Variants in LMAN1L observed in about 807,000 individuals in gnomAD.
The protein encoded by LMAN1L is lectin, mannose binding 1 like.
Under a neutral mutation model 58.3 loss-of-function variants are expected in LMAN1L, and 60 were observed. That is an observed-to-expected ratio of 1.03 (90% CI 0.84 to 1.27). The LOEUF is 1.27. Ranked by LOEUF, LMAN1L falls within the 50% of genes most tolerant of loss-of-function variation. The pLI is 0.00. For missense variants in LMAN1L, 629 were observed against 674.0 expected (o/e 0.93, Z 0.74); for synonymous variants, 280 against 271.6 (o/e 1.03, Z -0.31).
At chr15:74,819,619 C>A in intron 6 of LMAN1L, 1 of 482,262 alleles carries the variant, frequency 2.1e-6, no homozygotes, top group Non-Finnish European at 3.7e-6. Context: ...TGAGGGCAAC[C>A]AGAGCGTGGG....
At position 74,816,297 on chromosome 15, in the gene LMAN1L, G is replaced by T; in HGVS notation, c.316G>T (p.Gly106Ter). The change falls in exon 2 of 14, where the codon GGA (glycine) becomes TGA (stop). Residue 106 changes from glycine (G) to a stop codon, truncating the protein, a stop_gained. Coordinates refer to ENST00000309664, the MANE Select transcript of LMAN1L (RefSeq NM_021819.3). LOFTEE classifies it high-confidence loss of function. ...GAGGGTGACGGGACTGGGGCGCCGG[G>T]GAGCCCAGGGCATGGTGAGTGTCCT... ...QMRVTGLGRR[G>*]AQGMAVWYTR... 6.2e-7 allele frequency: 1 copy of T among 1,612,354 alleles called. No individual in the cohort carries two copies.
chr15:74,823,937 C>A (rs990692863), intron 12 of LMAN1L: 22 of 542,454 alleles, frequency 4.1e-5, no homozygotes, highest in Non-Finnish European at 6.6e-5. Flanking sequence ...GCCCTGGACA[C>A]CCCTCGATCC....
intron 6 of LMAN1L, 101 bp downstream of exon 6, chr15:74,819,373 C>G (rs946447437): frequency 2.1e-4 from 295 of 1,435,292 alleles, no homozygotes; most frequent in Non-Finnish European, 1.7e-4. Context: ...AGCCACTTCA[C>G]CACATGACCT....
intron 1 of LMAN1L, among the ~76,000 whole-genome samples, chr15:74,815,313 C>T (rs1283945149): frequency 1.3e-5 from 2 of 152,218 alleles, no homozygotes; most frequent in Non-Finnish European, 2.9e-5. Context: ...GCCTCCAGAA[C>T]GTCCTGGCAG....
intron 6 of LMAN1L, 77 bp downstream of exon 6, chr15:74,819,349 A>C (rs776461177): frequency 6.5e-7 from 1 of 1,538,558 alleles, no homozygotes; most frequent in Admixed American, 2.0e-5. Flanking sequence ...TCTAAAGAGC[A>C]CTGGGGTGGC....
At position 74,825,672 on chromosome 15, in the gene LMAN1L, A is replaced by G. The variant is rs1429904266; in HGVS notation, c.*67A>G. On this transcript the variant is annotated 3_prime_UTR_variant, in exon 14 of 14. Coordinates refer to ENST00000309664, the MANE Select transcript of LMAN1L (RefSeq NM_021819.3). ...TGTCTTGGGTGGGGGCTTGGTCAGT[A>G]TCCTCTCCGTCTGGGTGCCCAGCTC... is the stretch of plus-strand genomic sequence containing the variant. 5.2e-6 allele frequency: 8 copies of G among 1,536,858 alleles called. No homozygotes were observed. The South Asian group carries it at 9.1e-5, about 18-fold the overall frequency.
rs1046025449 is a variant in LMAN1L at position 74,818,938 on chromosome 15, C to A, written c.597+121C>A. ...CGTGAGGTCCCTGGCACACACGGGC[C>A]AACATCCACAGGGGATCCTCCATCC... On this transcript the variant is annotated intron_variant, in intron 5 of 13. Coordinates refer to ENST00000309664, the MANE Select transcript of LMAN1L (RefSeq NM_021819.3). The A allele has an allele frequency of 3.6e-5, 37 of 1,016,522 alleles. No homozygotes were observed. The African/African-American group carries it at 4.2e-4, about 12-fold the overall frequency. The allele number at this position is 1,016,522 out of a possible 1,614,324, so 63.0% of individuals were successfully genotyped here. A position where few individuals can be genotyped will look rare whatever the true frequency, so the allele number is the denominator to read the frequency against.
chr15:74,822,435 C>T (rs1402439584), intron 10 of LMAN1L, among the ~76,000 whole-genome samples: 1 of 152,118 alleles, frequency 6.6e-6, no homozygotes, highest in Admixed American at 6.6e-5. Context: ...AGGAAACAAC[C>T]ACCCCTGGGG....
chr15:74,820,895 G>C (rs1187507249), intron 8 of LMAN1L, 128 bp downstream of exon 8: 1 of 1,380,206 alleles, frequency 7.2e-7, no homozygotes, highest in Non-Finnish European at 9.7e-7. Flanking sequence ...AGCAGGCCCT[G>C]GGCCCAAGTG....
Position 74,816,221 on chromosome 15 carries a change from G to C in LMAN1L, c.240G>C (p.Val80=). 1.3e-6 allele frequency: 2 copies of C among 1,584,484 alleles called. No individual in the cohort carries two copies. Among genetic ancestry groups the C allele is most frequent in the Non-Finnish European group, 1.7e-6 (2 of 1,165,694 alleles). Residue 80 remains valine, a synonymous_variant, in exon 2 of 14, where the codon GTG becomes GTC. Transcript: ENST00000309664. ...TPSMRNRSGA[V]WSRASVPFSA... ...CCATGAGGAACCGGAGTGGCGCCGT[G>C]TGGAGCAGGGCCTCTGTCCCCTTCT...
chr15:74,820,816 A>G, intron 8 of LMAN1L, 49 bp downstream of exon 8: 1 of 1,579,100 alleles, frequency 6.3e-7, no homozygotes, highest in Non-Finnish European at 8.6e-7. Flanking sequence ...GTGTCACAGC[A>G]TCCTCCACCC....
chr15:74,816,691 G>C lies in LMAN1L; in HGVS notation c.497+1G>C, dbSNP rs763140644. On this transcript the variant is annotated splice_donor_variant, in intron 4 of 13. Coordinates refer to ENST00000309664, the MANE Select transcript of LMAN1L (RefSeq NM_021819.3). LOFTEE classifies it high-confidence loss of function. ...GGCACATCCCCTCTGAGCAGCCTGGGTAAGGGCCTGTCTGGACTGACCACT... is the reference window on the plus strand; with the variant it reads ...GGCACATCCCCTCTGAGCAGCCTGGCTAAGGGCCTGTCTGGACTGACCACT... The C allele has an allele frequency of 3.2e-5, 52 of 1,613,616 alleles. No individual in the cohort carries two copies. Among genetic ancestry groups the C allele is most frequent in the Non-Finnish European group, 1.7e-6 (2 of 1,179,796 alleles).
rs745506686 is a variant in LMAN1L at position 74,818,770 on chromosome 15, CCACACCCCTTCAGAG to C, written c.554_568del (p.His185_Ala189del). On this transcript the variant is annotated inframe_deletion, in exon 5 of 14. Coordinates refer to ENST00000309664, the MANE Select transcript of LMAN1L (RefSeq NM_021819.3). Reference sequence around the variant, plus strand: ...CTGTCATTGGGACTTCCGGAACCGGCCACACCCCTTCAGAGCACGGATCACCTACTGGGGGCAGAG... The same window carrying C: ...CTGTCATTGGGACTTCCGGAACCGGCCACGGATCACCTACTGGGGGCAGAG... 2.0e-5 allele frequency: 32 copies of C among 1,612,154 alleles called. No individual in the cohort carries two copies. In the African/African-American group the frequency reaches 3.7e-4, roughly 19 times the overall value.
intron 9 of LMAN1L, 56 bp downstream of exon 9, chr15:74,821,282 G>C: frequency 6.5e-7 from 1 of 1,528,780 alleles, no homozygotes; most frequent in South Asian, 1.2e-5. Flanking sequence ...AGAGGAGCAA[G>C]CACTGTAGTC....
In LMAN1L at chr15:74,825,498, C is replaced by A. The variant is rs2063937549; in HGVS notation, c.1474C>A (p.Gln492Lys). The A allele has an allele frequency of 6.2e-7, 1 of 1,613,488 alleles. No homozygotes were observed. Among genetic ancestry groups the A allele is most frequent in the Non-Finnish European group, 8.5e-7 (1 of 1,179,534 alleles). The change falls in exon 14 of 14, where the codon CAG becomes AAG. Residue 492 changes from glutamine (Q) to lysine (K), a missense_variant. By Grantham distance (53) the Gln-to-Lys change is moderately conservative (BLOSUM62 1). Transcript: ENST00000309664. The stretch of plus-strand genomic sequence containing the variant: ...CAGGCAGGAGCTGAACAAGAGCCTT[C>A]AGGAGTGTCTGTCCACAGGCAGCCT... ...HFRQELNKSL[Q>K]ECLSTGSLPL... is the part of the protein sequence containing the mutation.
Position 74,825,719 on chromosome 15 carries a change from G to C in LMAN1L, c.*114G>C. On this transcript the variant is annotated 3_prime_UTR_variant, in exon 14 of 14. Transcript: ENST00000309664. Reference sequence around the variant, plus strand: ...GCTCCCACGCACACCTGAGCTTTCGGCATGCTCCCACCTCGTTAAAGGTGA... The same window carrying C: ...GCTCCCACGCACACCTGAGCTTTCGCCATGCTCCCACCTCGTTAAAGGTGA... 3 of 1,037,090 alleles carry C rather than the reference G, an allele frequency of 2.9e-6. No homozygotes were observed. Among genetic ancestry groups the C allele is most frequent in the Non-Finnish European group, 4.2e-6 (3 of 706,460 alleles). The allele number at this position is 1,037,090 out of a possible 1,614,324, so 64.2% of individuals were successfully genotyped here.
intron 4 of LMAN1L, 124 bp downstream of exon 4, chr15:74,816,814 T>A: frequency 1.1e-6 from 1 of 913,930 alleles, no homozygotes; most frequent in Non-Finnish European, 1.6e-6. Flanking sequence ...GCCGCCATAC[T>A]TGCTGGACTC....
chr15:74,816,759 G>A (rs961872076), intron 4 of LMAN1L, 69 bp downstream of exon 4: 2 of 1,462,972 alleles, frequency 1.4e-6, no homozygotes, highest in South Asian at 1.2e-5. Context: ...CCCCCCATCC[G>A]AGCCCCTGCC....
chr15:74,819,207 T>C lies in LMAN1L; in HGVS notation c.653T>C (p.Val218Ala). The change falls in exon 6 of 14, where the codon GTG becomes GCG. Residue 218 changes from valine to alanine, a missense_variant. Coordinates refer to ENST00000309664, the MANE Select transcript of LMAN1L (RefSeq NM_021819.3). The part of the protein sequence containing the change: ...PSDPGEFCVD[V>A]GPLLLVPGGF... ...GATCCAGGTGAGTTCTGTGTGGATG[T>C]GGGGCCCCTGCTTTTGGTCCCTGGA... The C allele has an allele frequency of 6.2e-7, 1 of 1,614,172 alleles. No individual in the cohort carries two copies. Among genetic ancestry groups the C allele is most frequent in the South Asian group, 1.1e-5 (1 of 91,084 alleles).
Sources: allele counts gnomAD v4.1 joint callset (sites outside exome capture counted in the v4.1 genomes callset), GRCh38; gene constraint gnomAD v4.1.1; transcripts MANE v1.5; gene names NCBI Gene and HGNC (gene_info 2026-07-23, HGNC 2026-07-21).